PER3: variants seen among roughly 807,000 people sequenced by gnomAD.
The protein encoded by PER3 is period circadian protein homolog 3.
In PER3, 107 loss-of-function variants were observed where a neutral mutation model predicts 127.2. That is an observed-to-expected ratio of 0.84 (90% CI 0.72 to 0.99). PER3 has a LOEUF of 0.99. Ranked by LOEUF, PER3 falls within the 50% of genes least tolerant of loss-of-function variation. The pLI is 0.00. For synonymous variants in PER3, 618 were observed against 585.8 expected, an observed-to-expected ratio of 1.05 and a Z score of -0.79; for missense variants, 1,560 against 1,525.8, an observed-to-expected ratio of 1.02 and a Z score of -0.37.
chr1:7,793,911 A>T (rs1250348113), intron 5 of PER3, 46 bp from the exon 6 acceptor site: 1 of 1,513,890 alleles, frequency 6.6e-7, no homozygotes. Flanking sequence ...TCACTGAGAA[A>T]GACCTGGATA....
chr1:7,805,467 C>T (rs1404105090), intron 10 of PER3, among the ~76,000 whole-genome samples: 4 of 152,138 alleles, frequency 2.6e-5, no homozygotes, highest in Non-Finnish European at 4.4e-5. Context: ...CAGGGTTTGG[C>T]CCCTCCGCAG....
chr1:7,806,836 TTACA>T lies in PER3; in HGVS notation c.1137-2052_1137-2049del, dbSNP rs200726475. Reference sequence around the variant, plus strand: ...AAATATATATATATATATATATATATTACATACACACACACACATACATACACAA... The same window carrying T: ...AAATATATATATATATATATATATATTACACACACACACATACATACACAA... On this transcript the variant is annotated intron_variant, in intron 10 of 21. Coordinates refer to ENST00000377532, the MANE Select transcript of PER3 (RefSeq NM_001377275.1). 6.6e-4 allele frequency among the ~76,000 whole-genome samples: 88 copies of T among 133,030 alleles called. 1 individual carries two copies. Among genetic ancestry groups the T allele is most frequent in the East Asian group, 2.9e-3 (10 of 3,462 alleles). The allele number at this position is 133,030 out of a possible 152,430, so 87.3% of individuals were successfully genotyped here.
intron 3 of PER3, among the ~76,000 whole-genome samples, chr1:7,786,513 A>G (rs1338374802): frequency 6.6e-6 from 1 of 152,184 alleles, no homozygotes; most frequent in African/African-American, 2.4e-5. Flanking sequence ...GCTTCCTGTG[A>G]TCCAGAACAT....
At chr1:7,821,558 C>T (rs2097276521) in intron 16 of PER3, among the ~76,000 whole-genome samples, 1 of 152,152 alleles carries the variant, frequency 6.6e-6, no homozygotes, top group Non-Finnish European at 1.5e-5. Flanking sequence ...CCTGTGTGGG[C>T]ATGTAGCTGT....
chr1:7,820,530 CAGG>C lies in PER3; in HGVS notation c.1856_1858del (p.Gly619del). On this transcript the variant is annotated inframe_deletion, in exon 16 of 22. Transcript: ENST00000377532. ...CCAACAAATGGACGGTCCATAGACA[CAGG>C]AGGAGGAGCTCCACAGATCCTGTCC... The C allele has an allele frequency of 6.2e-7, 1 of 1,614,106 alleles. No homozygotes were observed.
rs569404327 is a variant in PER3 at position 7,790,804 on chromosome 1, A to G, written c.592+2558A>G. 5.4e-4 allele frequency among the ~76,000 whole-genome samples: 83 copies of G among 152,356 alleles called. No homozygotes were observed. The Middle Eastern group carries it at 0.01, about 19-fold the overall frequency. On this transcript the variant is annotated intron_variant, in intron 5 of 21. Coordinates refer to ENST00000377532, the MANE Select transcript of PER3 (RefSeq NM_001377275.1). ...TCAAATGGGAGAAATTGGCCAAAACAAAGGGGCTACAGGCCCCTTGCAAGT... is the reference window on the plus strand; with the variant it reads ...TCAAATGGGAGAAATTGGCCAAAACGAAGGGGCTACAGGCCCCTTGCAAGT...
At chr1:7,801,998 C>A (rs901887894) in intron 8 of PER3, among the ~76,000 whole-genome samples, 1 of 151,836 alleles carries the variant, frequency 6.6e-6, no homozygotes, top group African/African-American at 2.4e-5. Context: ...TAATGTCTAC[C>A]CTGAAACCAA....
At chr1:7,818,563 C>G (rs1487763886) in intron 13 of PER3, among the ~76,000 whole-genome samples, 1 of 152,154 alleles carries the variant, frequency 6.6e-6, no homozygotes. Context: ...TACCCTTTTT[C>G]AGTCTCCTTT....
intron 18 of PER3, 91 bp from the exon 19 acceptor site, chr1:7,829,743 A>C: frequency 9.2e-7 from 1 of 1,088,364 alleles, no homozygotes; most frequent in East Asian, 2.4e-5. Context: ...GGTAACTGAA[A>C]CTACAGAAAG....
chr1:7,806,840 A>ATATATAT lies in PER3; in HGVS notation c.1137-2051_1137-2050insTATATTA, dbSNP rs1553309980. Among the ~76,000 whole-genome samples the ATATATAT allele has an allele frequency of 1.1e-4, 13 of 114,286 alleles. No individual in the cohort carries two copies. The East Asian group carries it at 1.3e-3, about 12-fold the overall frequency. 75.0% of individuals were successfully genotyped at this position (114,286 alleles called of 152,430 possible). ...ATATATATATATATATATATATTAC[A>ATATATAT]TACACACACACACATACATACACAA... On this transcript the variant is annotated intron_variant, in intron 10 of 21. Transcript: ENST00000377532.
At chr1:7,815,247 A>G (rs2097242264) in intron 13 of PER3, among the ~76,000 whole-genome samples, 1 of 152,244 alleles carries the variant, frequency 6.6e-6, no homozygotes, top group Non-Finnish European at 1.5e-5. Flanking sequence ...CCAGTTATTC[A>G]TATTCAATAT....
chr1:7,799,400 C>T lies in PER3; in HGVS notation c.793+727C>T, dbSNP rs779107038. Among the ~76,000 whole-genome samples the T allele has an allele frequency of 8.5e-5, 13 of 152,112 alleles. 1 individual carries two copies. Among genetic ancestry groups the T allele is most frequent in the Admixed American group, 5.9e-4 (9 of 15,278 alleles). ...CGGGTGGATCATGAGGTTAGGAGTT[C>T]GAGACCAGCCTGGCCAACGTGATGA... On this transcript the variant is annotated intron_variant, in intron 7 of 21. Coordinates refer to ENST00000377532, the MANE Select transcript of PER3 (RefSeq NM_001377275.1).
intron 2 of PER3, 54 bp from the exon 3 acceptor site, chr1:7,785,387 G>T: frequency 2.1e-6 from 3 of 1,449,030 alleles, no homozygotes; most frequent in Non-Finnish European, 2.9e-6. Context: ...TCCCTAAGCC[G>T]CAAGATGCTG....
At position 7,843,282 on chromosome 1, in the gene PER3, A is replaced by G. The variant is rs909363432; in HGVS notation, c.*527A>G. ...AAACATTCCGGTTTTCTCACAACAC[A>G]TTAGCACATACTGTCCATTAGCATA... On this transcript the variant is annotated 3_prime_UTR_variant, in exon 22 of 22. Coordinates refer to ENST00000377532, the MANE Select transcript of PER3 (RefSeq NM_001377275.1). The G allele has an allele frequency of 6.5e-6, 1 of 153,068 alleles. No individual in the cohort carries two copies. The highest frequency in any genetic ancestry group is 1.5e-5 in the Non-Finnish European group (1 of 68,264). 9.5% of individuals were successfully genotyped at this position (153,068 alleles called of 1,614,324 possible).
chr1:7,825,941 C>G (rs998272904), intron 16 of PER3, among the ~76,000 whole-genome samples: 1 of 150,492 alleles, frequency 6.6e-6, no homozygotes, highest in Non-Finnish European at 1.5e-5. Flanking sequence ...CGTGGTGTGG[C>G]ACACGCTTAT....
In PER3 at chr1:7,830,174, G is replaced by T; in HGVS notation, c.3214+13G>T. 1 of 1,605,082 alleles carries T rather than the reference G, an allele frequency of 6.2e-7. No homozygotes were observed. The highest frequency in any genetic ancestry group is 1.1e-5 in the South Asian group (1 of 90,568). The stretch of plus-strand genomic sequence containing the variant: ...TCAGCAGCATCAGGTAGTGGATCAG[G>T]ACAACTAATGTTTCAAACTCCAATG... On this transcript the variant is annotated intron_variant, in intron 19 of 21. Coordinates refer to ENST00000377532, the MANE Select transcript of PER3 (RefSeq NM_001377275.1).
chr1:7,784,432 C>G (rs921152443), intron 1 of PER3, 56 bp downstream of exon 1: 3 of 152,616 alleles, frequency 2.0e-5, no homozygotes, highest in Admixed American at 6.6e-5. Flanking sequence ...TCTGGGCACT[C>G]GCGCGCGGCA....
intron 18 of PER3, among the ~76,000 whole-genome samples, chr1:7,828,827 A>G (rs2097315042): frequency 1.3e-5 from 2 of 152,164 alleles, no homozygotes; most frequent in East Asian, 1.9e-4. Flanking sequence ...ACTTCTCCCT[A>G]TGCAGTAGGT....
intron 13 of PER3, among the ~76,000 whole-genome samples, chr1:7,818,784 T>C (rs1232474704): frequency 1.3e-5 from 2 of 152,252 alleles, no homozygotes; most frequent in Non-Finnish European, 2.9e-5. Flanking sequence ...TTAGCACATA[T>C]AATACTAGTC....
Sources: allele counts gnomAD v4.1 joint callset (sites outside exome capture counted in the v4.1 genomes callset), GRCh38; gene constraint gnomAD v4.1.1; transcripts MANE v1.5; gene names NCBI Gene and HGNC (gene_info 2026-07-23, HGNC 2026-07-21).